Variants in FGGY observed in about 807,000 individuals in gnomAD.
FGGY encodes the protein FGGY carbohydrate kinase domain-containing protein.
Under a neutral mutation model 71.3 loss-of-function variants are expected in FGGY, and 72 were observed. The observed-to-expected ratio is 1.01, with a 90% CI of 0.84 to 1.23. The LOEUF is 1.23. FGGY is among the 50% of genes most tolerant of loss of function. The pLI, the probability that FGGY is intolerant of heterozygous loss-of-function variation, is 0.00. For synonymous variants in FGGY, 251 were observed against 250.3 expected (o/e 1.00, Z -0.02); for missense variants, 668 against 682.3 (o/e 0.98, Z 0.23).
chr1:59,741,821 C>T (rs928545736), intron 14 of FGGY, among the ~76,000 whole-genome samples: 1 of 151,946 alleles, frequency 6.6e-6, no homozygotes, highest in Admixed American at 6.6e-5. Flanking sequence ...CACCTGTAGT[C>T]CCAGCTACTT....
At chr1:59,660,457 A>C (rs2097264200) in intron 12 of FGGY, 164 bp downstream of exon 12, 1 of 506,466 alleles carries the variant, frequency 2.0e-6, no homozygotes, top group Admixed American at 3.6e-5. Context: ...GTGTTGATGA[A>C]AGGCCTCACC....
At chr1:59,720,828 T>G (rs1252021775) in intron 14 of FGGY, among the ~76,000 whole-genome samples, 1 of 152,236 alleles carries the variant, frequency 6.6e-6, no homozygotes, top group Non-Finnish European at 1.5e-5. Context: ...CATTCATTTA[T>G]TTAGTTCTTT....
intron 10 of FGGY, among the ~76,000 whole-genome samples, chr1:59,633,172 G>A (rs952307752): frequency 5.3e-5 from 8 of 151,812 alleles, no homozygotes; most frequent in Non-Finnish European, 1.0e-4. Context: ...CACCGCGCCC[G>A]GCTAATTTTT....
At chr1:59,407,748 A>G (rs1447930268) in intron 5 of FGGY, among the ~76,000 whole-genome samples, 1 of 152,194 alleles carries the variant, frequency 6.6e-6, no homozygotes, top group Non-Finnish European at 1.5e-5. Context: ...GTGTTGGCAC[A>G]GTCCTTATTA....
At chr1:59,409,598 T>TTATATATATATA (rs202016801) in intron 5 of FGGY, among the ~76,000 whole-genome samples, 70 of 105,764 alleles carry the variant, frequency 6.6e-4, no homozygotes, top group African/African-American at 2.0e-3. Flanking sequence ...GAAGAGTTTT[T>TTATATATATATA]TATATATATA....
intron 6 of FGGY, among the ~76,000 whole-genome samples, chr1:59,488,502 TATATGTATTATGTATATATTATATATAA>T (rs1318534228): frequency 6.8e-6 from 1 of 147,312 alleles, no homozygotes; most frequent in Non-Finnish European, 1.5e-5. Context: ...TGTGTGTATA[TATATGTATTATGTATATATTATATATAA>T]ATATGTATTA....
intron 8 of FGGY, among the ~76,000 whole-genome samples, chr1:59,563,307 G>A (rs973721531): frequency 1.3e-5 from 2 of 152,172 alleles, no homozygotes; most frequent in Admixed American, 6.5e-5. Context: ...TTAGCATGAA[G>A]GGGTGTTGAA....
intron 8 of FGGY, among the ~76,000 whole-genome samples, chr1:59,598,483 T>C (rs7539429): frequency 0.2 from 29,754 of 152,184 alleles, 4,032 homozygotes; most frequent in African/African-American, 0.38. Context: ...TAATTCAGGA[T>C]ATTGCAGGCA....
intron 7 of FGGY, among the ~76,000 whole-genome samples, chr1:59,551,087 T>C (rs980153307): frequency 6.6e-6 from 1 of 152,158 alleles, no homozygotes; most frequent in Admixed American, 6.5e-5. Context: ...GGGGTTCAGA[T>C]GATGATGATG....
intron 14 of FGGY, among the ~76,000 whole-genome samples, chr1:59,715,358 C>G (rs781099970): frequency 6.6e-6 from 1 of 152,198 alleles, no homozygotes; most frequent in African/African-American, 2.4e-5. Context: ...TCCCTACTGA[C>G]TGGAATCAGG....
At chr1:59,465,949 C>T (rs1168421413) in intron 6 of FGGY, among the ~76,000 whole-genome samples, 1 of 152,124 alleles carries the variant, frequency 6.6e-6, no homozygotes, top group Non-Finnish European at 1.5e-5. Context: ...TTTATAGATT[C>T]CATGCCATTC....
intron 14 of FGGY, among the ~76,000 whole-genome samples, chr1:59,698,181 C>A (rs2097678291): frequency 6.6e-6 from 1 of 152,022 alleles, no homozygotes; most frequent in South Asian, 2.1e-4. Flanking sequence ...CTTGTTCCAG[C>A]CCAAAGATTA....
intron 7 of FGGY, among the ~76,000 whole-genome samples, chr1:59,539,641 A>G (rs953178213): frequency 1.3e-5 from 2 of 152,218 alleles, no homozygotes; most frequent in Non-Finnish European, 2.9e-5. Flanking sequence ...ATGAAATTTA[A>G]AAAAATAAAG....
chr1:59,584,674 A>T (rs1045690956), intron 8 of FGGY, among the ~76,000 whole-genome samples: 1 of 149,978 alleles, frequency 6.7e-6, no homozygotes, highest in Non-Finnish European at 1.5e-5. Context: ...GGCCAGGGCA[A>T]TCAGGCAGGA....
intron 10 of FGGY, among the ~76,000 whole-genome samples, chr1:59,634,494 A>G (rs140265677): frequency 6.6e-6 from 1 of 152,160 alleles, no homozygotes; most frequent in Non-Finnish European, 1.5e-5. Flanking sequence ...TAGAAAAGGC[A>G]CAAGTATATT....
intron 4 of FGGY, among the ~76,000 whole-genome samples, chr1:59,361,407 G>A (rs1324750517): frequency 5.3e-5 from 8 of 152,116 alleles, no homozygotes; most frequent in Admixed American, 5.2e-4. Context: ...GCTCGGGGAG[G>A]TAATATGTAG....
chr1:59,646,970 A>T (rs1440149205), intron 11 of FGGY, among the ~76,000 whole-genome samples: 1 of 152,236 alleles, frequency 6.6e-6, no homozygotes, highest in Non-Finnish European at 1.5e-5. Context: ...CTATCACAGA[A>T]TCAGACTTTC....
At chr1:59,720,685 A>G (rs1023326193) in intron 14 of FGGY, among the ~76,000 whole-genome samples, 1 of 152,020 alleles carries the variant, frequency 6.6e-6, no homozygotes, top group Non-Finnish European at 1.5e-5. Context: ...GCTAAGATTG[A>G]TTTTCTTATT....
chr1:59,475,149 T>C (rs1224518182), intron 6 of FGGY, among the ~76,000 whole-genome samples: 2 of 152,238 alleles, frequency 1.3e-5, no homozygotes, highest in Non-Finnish European at 2.9e-5. Flanking sequence ...TTTCCTTTTT[T>C]CTGAGCTTCT....
Sources: gnomAD v4.1 joint callset for allele counts (sites outside exome capture counted in the v4.1 genomes callset) on GRCh38, gnomAD v4.1.1 for gene constraint, MANE v1.5 for transcripts, NCBI Gene and HGNC (gene_info 2026-07-23, HGNC 2026-07-21) for gene names.